ZNF730: variants seen among roughly 807,000 people sequenced by gnomAD.
ZNF730 encodes zinc finger protein 730, also known as putative zinc finger protein 730.
In ZNF730, 12 loss-of-function variants were observed where a neutral mutation model predicts 12.6. The ratio of observed to expected loss-of-function variants is 0.95; its 90% CI spans 0.61 to 1.54. The LOEUF is 1.54. ZNF730 is among the 40% of genes most tolerant of loss of function. The pLI is 0.00. For synonymous variants in ZNF730, 194 were observed against 195.8 expected (o/e 0.99, Z 0.08); for missense variants, 643 against 583.5 (o/e 1.10, Z -1.05).
At chr19:23,086,709 C>T (rs1013554230) in intron 1 of ZNF730, among the ~76,000 whole-genome samples, 5 of 152,080 alleles carry the variant, frequency 3.3e-5, no homozygotes, top group South Asian at 2.1e-4. Context: ...AGTTGAAAGT[C>T]GGGTAGTGTG....
At chr19:23,088,402 A>G (rs1568301347) in intron 1 of ZNF730, among the ~76,000 whole-genome samples, 1 of 152,052 alleles carries the variant, frequency 6.6e-6, no homozygotes, top group Non-Finnish European at 1.5e-5. Context: ...GATGTCTTTT[A>G]GTATTTTGAG....
At chr19:23,091,246 G>T (rs996758365) in intron 1 of ZNF730, among the ~76,000 whole-genome samples, 1 of 152,194 alleles carries the variant, frequency 6.6e-6, no homozygotes, top group Non-Finnish European at 1.5e-5. Context: ...CCTCCACCTA[G>T]ATTTCAGAAA....
At chr19:23,085,836 CTTTTTTTTTTTTT>C (rs556123915) in intron 1 of ZNF730, among the ~76,000 whole-genome samples, 24 of 54,860 alleles carry the variant, frequency 4.4e-4, no homozygotes, top group African/African-American at 1.4e-3. Flanking sequence ...ATTTTTTTTT[CTTTTTTTTTTTTT>C]TTTTTTTTTT....
At chr19:23,138,282 CAAAAAA>C (rs1315758966) in intron 3 of ZNF730, among the ~76,000 whole-genome samples, 1 of 9,458 alleles carries the variant, frequency 1.1e-4, no homozygotes, top group Admixed American at 1.9e-3. Flanking sequence ...GACTCCGTCT[CAAAAAA>C]AAAAAAAAAA....
rs147014250 is a variant in ZNF730 at position 23,080,437 on chromosome 19, G to A, written c.-94+5050G>A. Among the ~76,000 whole-genome samples, 550 of 150,928 alleles carry A rather than the reference G, an allele frequency of 3.6e-3. 4 individuals are homozygous for A. The highest frequency in any genetic ancestry group is 0.013 in the African/African-American group (523 of 41,146). Reference sequence around the variant, plus strand: ...GCCACCCAGGCTGGAGTGCAGTGGCGTGATCTCGGCTCACTGCAACCTTTG... The same window carrying A: ...GCCACCCAGGCTGGAGTGCAGTGGCATGATCTCGGCTCACTGCAACCTTTG... On this transcript the variant is annotated intron_variant, in intron 1 of 2. Transcript: ENST00000593635.
At chr19:23,094,356 CTCTA>C (rs78556330) in intron 1 of ZNF730, among the ~76,000 whole-genome samples, 2,521 of 148,818 alleles carry the variant, frequency 0.017, 65 homozygotes, top group Admixed American at 0.073. Context: ...CCATGCCTGG[CTCTA>C]TCTATCTATC....
At chr19:23,084,535 CAT>C (rs1330227803) in intron 1 of ZNF730, among the ~76,000 whole-genome samples, 3 of 152,112 alleles carry the variant, frequency 2.0e-5, no homozygotes, top group Admixed American at 1.3e-4. Flanking sequence ...CACTGGTAAA[CAT>C]GTGTCATATG....
At chr19:23,126,919 C>A in intron 1 of ZNF730, 1 of 523,678 alleles carries the variant, frequency 1.9e-6, no homozygotes, top group South Asian at 1.5e-5. Context: ...TTTTAAGGGT[C>A]AGAAAGTTTG....
intron 1 of ZNF730, among the ~76,000 whole-genome samples, chr19:23,084,560 A>C (rs1406666153): frequency 6.6e-6 from 1 of 152,144 alleles, no homozygotes; most frequent in Non-Finnish European, 1.5e-5. Context: ...TTTGTTGTAA[A>C]GATTAAGCCT....
At chr19:23,087,742 A>G (rs529640686) in intron 1 of ZNF730, among the ~76,000 whole-genome samples, 3 of 151,344 alleles carry the variant, frequency 2.0e-5, no homozygotes, top group Admixed American at 2.0e-4. Flanking sequence ...CAGCCTCCCA[A>G]GTAGCTGGGA....
intron 3 of ZNF730, among the ~76,000 whole-genome samples, chr19:23,136,407 T>C (rs887018336): frequency 6.6e-6 from 1 of 152,074 alleles, no homozygotes; most frequent in Admixed American, 6.6e-5. Flanking sequence ...TTTTATTTTA[T>C]TTATTTATTT....
At chr19:23,136,180 C>T (rs903184818) in intron 3 of ZNF730, 137 bp downstream of exon 3, 17 of 636,650 alleles carry the variant, frequency 2.7e-5, no homozygotes, top group Non-Finnish European at 3.6e-5. Flanking sequence ...ATTTATTTTG[C>T]TTTTTATTTA....
chr19:23,142,342 C>G (rs1490436321), intron 3 of ZNF730, among the ~76,000 whole-genome samples: 1 of 152,056 alleles, frequency 6.6e-6, no homozygotes, highest in Non-Finnish European at 1.5e-5. Context: ...TGTAGAAAGG[C>G]AAGTTGGATC....
At chr19:23,106,836 A>G (rs527725745) in intron 1 of ZNF730, among the ~76,000 whole-genome samples, 15 of 152,178 alleles carry the variant, frequency 9.9e-5, no homozygotes, top group Admixed American at 7.9e-4. Context: ...CTTAATTTAA[A>G]TCACTTTGAA....
chr19:23,099,655 A>T (rs8112737), intron 1 of ZNF730, among the ~76,000 whole-genome samples: 6 of 152,170 alleles, frequency 3.9e-5, no homozygotes, highest in Non-Finnish European at 8.8e-5. Context: ...TCTCATACAC[A>T]AATCCATTCC....
chr19:23,095,132 A>G (rs954443255), intron 1 of ZNF730: 7 of 371,254 alleles, frequency 1.9e-5, no homozygotes, highest in African/African-American at 1.5e-4. Context: ...GGATTGTGAC[A>G]TATCACTGGA....
chr19:23,097,863 G>T (rs1970278085), intron 1 of ZNF730, among the ~76,000 whole-genome samples: 1 of 152,198 alleles, frequency 6.6e-6, no homozygotes, highest in African/African-American at 2.4e-5. Flanking sequence ...TGTGGGCCAG[G>T]TGTGGTGGCT....
intron 1 of ZNF730, among the ~76,000 whole-genome samples, chr19:23,109,112 A>G (rs1970430262): frequency 6.6e-6 from 1 of 151,606 alleles, no homozygotes; most frequent in South Asian, 2.1e-4. Flanking sequence ...AATGCAGCAT[A>G]TAAAAGAATA....
intron 1 of ZNF730, among the ~76,000 whole-genome samples, chr19:23,085,570 G>A (rs866259267): frequency 2.1e-4 from 30 of 142,344 alleles, no homozygotes; most frequent in Middle Eastern, 3.4e-3. Flanking sequence ...GCTGGAGTGC[G>A]GTGGCATGAT....
Sources: gnomAD v4.1 joint callset for allele counts (sites outside exome capture counted in the v4.1 genomes callset) on GRCh38, gnomAD v4.1.1 for gene constraint, MANE v1.5 for transcripts, NCBI Gene and HGNC (gene_info 2026-07-23, HGNC 2026-07-21) for gene names.